CNBD1: variants seen among roughly 807,000 people sequenced by gnomAD.
CNBD1 encodes the protein cyclic nucleotide-binding domain-containing protein 1.
CNBD1 carries 71 observed loss-of-function variants against 54.4 expected under a neutral mutation model. That is an observed-to-expected ratio of 1.30 (90% CI 1.08 to 1.59). The LOEUF (loss-of-function observed/expected upper bound fraction) is 1.59, where lower values mean the gene tolerates loss of function less well. Ranked by LOEUF, CNBD1 falls within the 40% of genes most tolerant of loss-of-function variation. CNBD1 has a pLI of 0.00. For missense variants in CNBD1, 659 were observed against 518.0 expected (o/e 1.27, Z -2.64); for synonymous variants, 182 against 170.7 (o/e 1.07, Z -0.51).
chr8:86,972,753 A>G (rs900317984), intron 4 of CNBD1, among the ~76,000 whole-genome samples: 1 of 152,206 alleles, frequency 6.6e-6, no homozygotes, highest in Non-Finnish European at 1.5e-5. Context: ...ACACCAGAAC[A>G]TATTACAGGT....
intron 4 of CNBD1, among the ~76,000 whole-genome samples, chr8:87,076,086 G>A (rs1233776450): frequency 9.2e-5 from 14 of 152,172 alleles, no homozygotes; most frequent in Admixed American, 8.5e-4. Context: ...CTGAAATAGT[G>A]CAGATGGGAT....
intron 4 of CNBD1, among the ~76,000 whole-genome samples, chr8:86,969,789 TATATACAC>T (rs1473695161): frequency 8.1e-5 from 3 of 36,924 alleles, no homozygotes; most frequent in African/African-American, 2.0e-4. Flanking sequence ...TTTATATATA[TATATACAC>T]ACACACACAC....
chr8:87,097,866 C>T (rs6651185), intron 4 of CNBD1, among the ~76,000 whole-genome samples: 6,028 of 152,234 alleles, frequency 0.04, 396 homozygotes, highest in African/African-American at 0.13. Context: ...TGTCAGATTC[C>T]ACTGGAGTCA....
intron 3 of CNBD1, among the ~76,000 whole-genome samples, chr8:86,921,996 A>C (rs1809282427): frequency 6.6e-6 from 1 of 152,094 alleles, no homozygotes; most frequent in South Asian, 2.1e-4. Context: ...GAGAGTGCTT[A>C]CATTGAGGGC....
chr8:87,297,832 T>C (rs1808909253), intron 8 of CNBD1, among the ~76,000 whole-genome samples: 1 of 152,054 alleles, frequency 6.6e-6, no homozygotes, highest in Non-Finnish European at 1.5e-5. Context: ...ATGAATTAAA[T>C]ATCTTAGATC....
At chr8:87,261,697 T>A (rs1808143557) in intron 6 of CNBD1, among the ~76,000 whole-genome samples, 1 of 152,144 alleles carries the variant, frequency 6.6e-6, no homozygotes, top group Non-Finnish European at 1.5e-5. Flanking sequence ...GACTCCGTTA[T>A]TGTTACAGGT....
At chr8:86,929,437 CACTA>C (rs763959387) in intron 3 of CNBD1, among the ~76,000 whole-genome samples, 65 of 152,200 alleles carry the variant, frequency 4.3e-4, no homozygotes, top group Non-Finnish European at 8.4e-4. Flanking sequence ...ACTGTTACAT[CACTA>C]ACTATGGCAT....
chr8:86,991,406 C>T (rs1808744558), intron 4 of CNBD1, among the ~76,000 whole-genome samples: 1 of 152,238 alleles, frequency 6.6e-6, no homozygotes, highest in East Asian at 1.9e-4. Flanking sequence ...CTCTCTCTCT[C>T]TCTCTTTTGT....
intron 10 of CNBD1, among the ~76,000 whole-genome samples, chr8:87,370,036 G>C (rs1810740518): frequency 6.6e-6 from 1 of 151,904 alleles, no homozygotes; most frequent in South Asian, 2.1e-4. Context: ...TTTCATCCAT[G>C]TCCCTACAAA....
chr8:87,090,897 T>C (rs1255997885), intron 4 of CNBD1, among the ~76,000 whole-genome samples: 1 of 152,076 alleles, frequency 6.6e-6, no homozygotes, highest in East Asian at 1.9e-4. Flanking sequence ...TCCCAGCACT[T>C]TGGGAGGCCA....
At chr8:87,379,672 A>G (rs1302061935) in intron 10 of CNBD1, among the ~76,000 whole-genome samples, 1 of 152,026 alleles carries the variant, frequency 6.6e-6, no homozygotes, top group Non-Finnish European at 1.5e-5. Flanking sequence ...TAAATTAATG[A>G]TGAAACATTA....
chr8:87,311,865 G>T (rs1440483045), intron 8 of CNBD1, among the ~76,000 whole-genome samples: 2 of 152,088 alleles, frequency 1.3e-5, no homozygotes, highest in African/African-American at 4.8e-5. Flanking sequence ...AATACTGCAT[G>T]TTCTCACTTG....
intron 1 of CNBD1, among the ~76,000 whole-genome samples, chr8:86,866,892 C>T (rs1808372687): frequency 6.6e-6 from 1 of 152,132 alleles, no homozygotes; most frequent in African/African-American, 2.4e-5. Flanking sequence ...CCACATGTTC[C>T]ACCAGCTATC....
intron 4 of CNBD1, among the ~76,000 whole-genome samples, chr8:87,055,883 T>TTTCCTTCCTTCCTTCCTTCC (rs71277912): frequency 6.5e-5 from 6 of 92,916 alleles, no homozygotes; most frequent in African/African-American, 2.5e-4. Context: ...CTGCTTGACC[T>TTTCCTTCCTTCCTTCCTTCC]TTCCTTCCTT....
At chr8:86,910,989 T>C (rs1379070296) in intron 3 of CNBD1, among the ~76,000 whole-genome samples, 1 of 152,150 alleles carries the variant, frequency 6.6e-6, no homozygotes, top group African/African-American at 2.4e-5. Flanking sequence ...CTGGTTAGGA[T>C]TAGTTGTGCT....
intron 3 of CNBD1, among the ~76,000 whole-genome samples, chr8:86,930,186 A>T (rs913239495): frequency 6.6e-6 from 1 of 152,174 alleles, no homozygotes; most frequent in Non-Finnish European, 1.5e-5. Flanking sequence ...CAACTGTTTT[A>T]ATGTCTTACA....
intron 8 of CNBD1, among the ~76,000 whole-genome samples, chr8:87,286,957 G>A (rs1808711323): frequency 1.3e-5 from 2 of 151,946 alleles, no homozygotes; most frequent in South Asian, 4.1e-4. Flanking sequence ...TACTATAAGG[G>A]CCAAACTGAA....
chr8:87,319,876 T>G (rs766010011), intron 8 of CNBD1, among the ~76,000 whole-genome samples: 6 of 152,120 alleles, frequency 3.9e-5, no homozygotes, highest in Non-Finnish European at 5.9e-5. Flanking sequence ...CATAATTTAT[T>G]TGATACCCTT....
rs1168757684 is a variant in CNBD1 at position 86,869,321 on chromosome 8, C to T, written c.88+2738C>T. Among the ~76,000 whole-genome samples, 5 of 149,376 alleles carry T rather than the reference C, an allele frequency of 3.3e-5. No homozygotes were observed. In the East Asian group the frequency reaches 5.9e-4, roughly 18 times the overall value. On this transcript the variant is annotated intron_variant, in intron 1 of 10. Coordinates refer to ENST00000518476, the MANE Select transcript of CNBD1 (RefSeq NM_173538.3). ...GTTAAGTAGCAGAGGCTCCTCGTAG[C>T]GTCATCTGTGTAAACAAACTCTACT...
Sources: allele counts gnomAD v4.1 joint callset (sites outside exome capture counted in the v4.1 genomes callset), GRCh38; gene constraint gnomAD v4.1.1; transcripts MANE v1.5; gene names NCBI Gene and HGNC (gene_info 2026-07-23, HGNC 2026-07-21).